Variants in RASGRF2 observed in about 807,000 individuals in gnomAD.
RASGRF2 encodes the protein ras-specific guanine nucleotide-releasing factor 2.
In RASGRF2, 76 loss-of-function variants were observed where a neutral mutation model predicts 151.0. The ratio of observed to expected loss-of-function variants is 0.50; its 90% CI spans 0.42 to 0.61. RASGRF2 has a LOEUF of 0.61. Ranked by LOEUF, RASGRF2 falls within the 20% of genes least tolerant of loss-of-function variation. The probability of loss-of-function intolerance (pLI) is 0.00; values close to 1 mark genes in which losing one functional copy is unlikely to be tolerated. For missense variants in RASGRF2, 1,148 were observed against 1,564.6 expected (o/e 0.73, Z 4.49); for synonymous variants, 504 against 566.5 (o/e 0.89, Z 1.57).
At chr5:81,198,253 C>A (rs1345156491) in intron 18 of RASGRF2, among the ~76,000 whole-genome samples, 1 of 152,110 alleles carries the variant, frequency 6.6e-6, no homozygotes, top group Non-Finnish European at 1.5e-5. Flanking sequence ...AGTTTTCCAG[C>A]CCTTGCCCCC....
At chr5:81,016,731 G>C (rs1392803550) in intron 1 of RASGRF2, among the ~76,000 whole-genome samples, 1 of 152,142 alleles carries the variant, frequency 6.6e-6, no homozygotes, top group East Asian at 1.9e-4. Flanking sequence ...TATAAAAGCT[G>C]ATCTAGTAGC....
intron 12 of RASGRF2, 27 bp from the exon 13 acceptor site, chr5:81,108,969 T>G: frequency 6.3e-7 from 1 of 1,591,878 alleles, no homozygotes. Context: ...TCATGTGGGT[T>G]GTAATTGTCA....
chr5:80,974,328 C>A (rs1220422341), intron 1 of RASGRF2, among the ~76,000 whole-genome samples: 1 of 152,212 alleles, frequency 6.6e-6, no homozygotes, highest in Admixed American at 6.5e-5. Flanking sequence ...TCAGTTCTAC[C>A]CCCGAATGAA....
chr5:81,070,324 G>A, intron 3 of RASGRF2, 168 bp from the exon 4 acceptor site: 1 of 587,266 alleles, frequency 1.7e-6, no homozygotes, highest in Non-Finnish European at 3.1e-6. Flanking sequence ...CATGCTTGGG[G>A]TAAAGTTCAT....
intron 1 of RASGRF2, among the ~76,000 whole-genome samples, chr5:80,992,893 A>G (rs1301552907): frequency 4.6e-5 from 7 of 152,196 alleles, no homozygotes; most frequent in Non-Finnish European, 1.0e-4. Flanking sequence ...GTGAGGTACA[A>G]ATTTGGCCAA....
chr5:81,204,336 A>C (rs995983703), intron 19 of RASGRF2: 1 of 152,268 alleles, frequency 6.6e-6, no homozygotes, highest in Non-Finnish European at 1.5e-5. Flanking sequence ...GTGAGAGATA[A>C]AAAACATATC....
chr5:81,082,055 A>G (rs527378142), intron 7 of RASGRF2, among the ~76,000 whole-genome samples: 2 of 152,338 alleles, frequency 1.3e-5, no homozygotes, highest in South Asian at 2.1e-4. Context: ...AATTATCTTT[A>G]GGTTATGATT....
intron 1 of RASGRF2, among the ~76,000 whole-genome samples, chr5:80,964,986 G>A (rs1328550677): frequency 1.3e-5 from 2 of 152,020 alleles, no homozygotes. Flanking sequence ...GGTGGTAAAT[G>A]TTCTCTTCAG....
At chr5:81,089,057 T>C (rs1214915338) in intron 9 of RASGRF2, among the ~76,000 whole-genome samples, 2 of 152,214 alleles carry the variant, frequency 1.3e-5, no homozygotes, top group Non-Finnish European at 2.9e-5. Context: ...ACAGTAAAGT[T>C]GGTTTCTAAA....
chr5:81,172,882 T>G (rs1320357347), intron 17 of RASGRF2, among the ~76,000 whole-genome samples: 1 of 152,104 alleles, frequency 6.6e-6, no homozygotes, highest in Non-Finnish European at 1.5e-5. Context: ...ATTATAAAAC[T>G]AGCAAAGCCT....
Position 81,068,046 on chromosome 5 carries a change from T to C in RASGRF2, c.410T>C (p.Leu137Ser). The C allele has an allele frequency of 3.7e-6, 6 of 1,605,168 alleles. No individual in the cohort carries two copies. The highest frequency in any genetic ancestry group is 5.1e-6 in the Non-Finnish European group (6 of 1,175,150). Reference sequence around the variant, plus strand: ...TTTCTCTCAAGTTATGCAGACATTTTGATTGAGAGGGAAGTATTAATGCAG... The same window carrying C: ...TTTCTCTCAAGTTATGCAGACATTTCGATTGAGAGGGAAGTATTAATGCAG... ...AIHQASYADI[L>S]IEREVLMQKY... The change falls in exon 3 of 27, where the codon TTG (leucine) becomes TCG (serine). Residue 137 changes from leucine to serine, a missense_variant. By Grantham distance (145) the Leu-to-Ser change is moderately radical. Transcript: ENST00000265080.
chr5:80,987,150 A>G (rs1748498633), intron 1 of RASGRF2, among the ~76,000 whole-genome samples: 1 of 152,176 alleles, frequency 6.6e-6, no homozygotes. Flanking sequence ...TCTGCATAGT[A>G]CTTACTAACT....
At chr5:81,116,197 C>T (rs1437194210) in intron 15 of RASGRF2, among the ~76,000 whole-genome samples, 4 of 150,484 alleles carry the variant, frequency 2.7e-5, no homozygotes, top group Non-Finnish European at 5.9e-5. Context: ...ATTCTCCTGC[C>T]TCAGCCTCCT....
chr5:80,968,972 C>CCGCGCCCTTTGCACAGTT (rs1747814402), intron 1 of RASGRF2, among the ~76,000 whole-genome samples: 1 of 151,968 alleles, frequency 6.6e-6, no homozygotes, highest in Non-Finnish European at 1.5e-5. Context: ...GCATGAGCCA[C>CCGCGCCCTTTGCACAGTT]TCTCCCTGGC....
intron 18 of RASGRF2, among the ~76,000 whole-genome samples, chr5:81,196,471 A>G (rs916089937): frequency 6.6e-6 from 1 of 152,214 alleles, no homozygotes; most frequent in African/African-American, 2.4e-5. Context: ...TGCTTCAAAT[A>G]GTGTCTTGGC....
intron 18 of RASGRF2, among the ~76,000 whole-genome samples, chr5:81,186,349 C>T (rs1446184841): frequency 6.6e-6 from 1 of 152,154 alleles, no homozygotes; most frequent in East Asian, 1.9e-4. Context: ...TGCCCCTCTT[C>T]CTGTTACCCC....
chr5:81,018,024 A>G (rs905477439), intron 1 of RASGRF2, among the ~76,000 whole-genome samples: 4 of 152,052 alleles, frequency 2.6e-5, no homozygotes, highest in African/African-American at 4.8e-5. Context: ...TAGAAGAATC[A>G]CTTGAACCTG....
At chr5:81,179,861 T>C (rs1230837162) in intron 17 of RASGRF2, among the ~76,000 whole-genome samples, 1 of 152,252 alleles carries the variant, frequency 6.6e-6, no homozygotes, top group African/African-American at 2.4e-5. Flanking sequence ...TTAAGATTCC[T>C]TCTTGGCTTT....
intron 12 of RASGRF2, among the ~76,000 whole-genome samples, chr5:81,104,589 G>A (rs1256547961): frequency 6.6e-6 from 1 of 151,864 alleles, no homozygotes; most frequent in African/African-American, 2.4e-5. Context: ...ATCCAAAGTA[G>A]TACTCTATGT....
Sources: allele counts gnomAD v4.1 joint callset (sites outside exome capture counted in the v4.1 genomes callset), GRCh38; gene constraint gnomAD v4.1.1; transcripts MANE v1.5; gene names NCBI Gene and HGNC (gene_info 2026-07-23, HGNC 2026-07-21).